Variants in HS6ST3 observed in about 807,000 individuals in gnomAD.
HS6ST3 encodes the protein heparan sulfate 6-O-sulfotransferase 3.
A neutral mutation model predicts 36.7 loss-of-function variants in HS6ST3; 12 were observed. The ratio of observed to expected loss-of-function variants is 0.33; its 90% CI spans 0.21 to 0.53. HS6ST3 has a LOEUF of 0.53. Ranked by LOEUF, HS6ST3 falls within the 20% of genes least tolerant of loss-of-function variation. HS6ST3 has a pLI of 0.95. For missense variants in HS6ST3, 584 were observed against 640.9 expected (o/e 0.91, Z 0.96); for synonymous variants, 240 against 257.5 (o/e 0.93, Z 0.65).
intron 1 of HS6ST3, among the ~76,000 whole-genome samples, chr13:96,809,512 G>C (rs1410482990): frequency 2.0e-5 from 3 of 152,212 alleles, no homozygotes; most frequent in Non-Finnish European, 4.4e-5. Flanking sequence ...CAGGTCCACT[G>C]AAGAGGGATT....
intron 1 of HS6ST3, among the ~76,000 whole-genome samples, chr13:96,536,788 G>A (rs1233610162): frequency 6.6e-6 from 1 of 152,168 alleles, no homozygotes; most frequent in East Asian, 1.9e-4. Context: ...TACTTTCTCT[G>A]GAGATGTTTA....
chr13:96,207,410 A>C (rs959955175), intron 1 of HS6ST3, among the ~76,000 whole-genome samples: 3 of 152,078 alleles, frequency 2.0e-5, no homozygotes, highest in African/African-American at 7.2e-5. Flanking sequence ...CCATTGTGGA[A>C]GACAGCGTGC....
At chr13:96,758,613 A>T (rs1331670530) in intron 1 of HS6ST3, among the ~76,000 whole-genome samples, 1 of 151,714 alleles carries the variant, frequency 6.6e-6, no homozygotes, top group Admixed American at 6.6e-5. Context: ...CTTTCTTTGT[A>T]TTTTTCTTGA....
At chr13:96,222,364 G>A (rs1455018246) in intron 1 of HS6ST3, among the ~76,000 whole-genome samples, 3 of 152,176 alleles carry the variant, frequency 2.0e-5, no homozygotes, top group African/African-American at 7.2e-5. Flanking sequence ...ATTTCTTGTG[G>A]TACAGCATCA....
chr13:96,614,011 T>C (rs566985887), intron 1 of HS6ST3, among the ~76,000 whole-genome samples: 1 of 152,130 alleles, frequency 6.6e-6, no homozygotes, highest in Admixed American at 6.5e-5. Flanking sequence ...ACAAAAGTTA[T>C]TACTGGGCCG....
chr13:96,122,110 G>GTATTAGTAT (rs1555386751), intron 1 of HS6ST3, among the ~76,000 whole-genome samples: 3 of 145,180 alleles, frequency 2.1e-5, no homozygotes, highest in African/African-American at 5.0e-5. Flanking sequence ...ACCCTTTCAG[G>GTATTAGTAT]TATTATTATT....
At chr13:96,469,302 C>A (rs2055829330) in intron 1 of HS6ST3, among the ~76,000 whole-genome samples, 1 of 146,540 alleles carries the variant, frequency 6.8e-6, no homozygotes, top group Non-Finnish European at 1.5e-5. Flanking sequence ...CCTCCCCCAA[C>A]TTTTTTTTTT....
intron 1 of HS6ST3, among the ~76,000 whole-genome samples, chr13:96,730,904 T>A (rs1366571432): frequency 6.6e-6 from 1 of 152,120 alleles, no homozygotes. Context: ...GAGAATTTTT[T>A]AAATTTTTGT....
chr13:96,416,478 T>C (rs911984320), intron 1 of HS6ST3, among the ~76,000 whole-genome samples: 68 of 152,300 alleles, frequency 4.5e-4, no homozygotes, highest in African/African-American at 1.6e-3. Context: ...ATGGATACTT[T>C]TTCATTTAAT....
chr13:96,442,922 T>G (rs1305091463), intron 1 of HS6ST3, among the ~76,000 whole-genome samples: 1 of 151,956 alleles, frequency 6.6e-6, no homozygotes, highest in Non-Finnish European at 1.5e-5. Flanking sequence ...CTAAATTACA[T>G]TAGGAGACTG....
intron 1 of HS6ST3, among the ~76,000 whole-genome samples, chr13:96,232,180 A>G (rs1042028042): frequency 6.6e-6 from 1 of 152,210 alleles, no homozygotes; most frequent in Non-Finnish European, 1.5e-5. Flanking sequence ...AATTCAGAGT[A>G]TAAGATGCTA....
At chr13:96,449,330 T>C (rs144272273) in intron 1 of HS6ST3, among the ~76,000 whole-genome samples, 25 of 152,272 alleles carry the variant, frequency 1.6e-4, no homozygotes, top group Admixed American at 5.9e-4. Flanking sequence ...CTCTCTCCCC[T>C]TCCACTCCAG....
At chr13:96,139,870 C>T (rs1484452167) in intron 1 of HS6ST3, among the ~76,000 whole-genome samples, 2 of 152,048 alleles carry the variant, frequency 1.3e-5, no homozygotes, top group East Asian at 3.9e-4. Context: ...TATTTGGGTG[C>T]AGTACTTGGG....
chr13:96,432,416 T>C (rs966431395), intron 1 of HS6ST3, among the ~76,000 whole-genome samples: 17 of 152,306 alleles, frequency 1.1e-4, no homozygotes, highest in East Asian at 9.6e-4. Flanking sequence ...GTTCTTTTCT[T>C]TTAAAAGATA....
chr13:96,461,805 C>T (rs2055785726), intron 1 of HS6ST3, among the ~76,000 whole-genome samples: 1 of 152,050 alleles, frequency 6.6e-6, no homozygotes, highest in African/African-American at 2.4e-5. Context: ...GACAGCAATT[C>T]CAAATTCATT....
At chr13:96,669,922 G>A (rs1594832196) in intron 1 of HS6ST3, among the ~76,000 whole-genome samples, 1 of 152,112 alleles carries the variant, frequency 6.6e-6, no homozygotes, top group Admixed American at 6.5e-5. Context: ...AAATACACTG[G>A]TGTGGAGTTC....
chr13:96,470,648 C>T (rs1248484608), intron 1 of HS6ST3, among the ~76,000 whole-genome samples: 3 of 152,120 alleles, frequency 2.0e-5, no homozygotes, highest in Admixed American at 6.6e-5. Flanking sequence ...GAGTTGTCTA[C>T]GTTTATTTCT....
chr13:96,334,478 C>T (rs373574912), intron 1 of HS6ST3, among the ~76,000 whole-genome samples: 7 of 152,122 alleles, frequency 4.6e-5, no homozygotes, highest in Non-Finnish European at 1.0e-4. Context: ...TTACTGCATT[C>T]GTCAGTTCTC....
chr13:96,683,243 TGC>T (rs1317849542), intron 1 of HS6ST3, among the ~76,000 whole-genome samples: 1 of 152,130 alleles, frequency 6.6e-6, no homozygotes, highest in Non-Finnish European at 1.5e-5. Flanking sequence ...GTCTTATCTG[TGC>T]CTCAGTTAGA....
Sources: gnomAD v4.1 joint callset for allele counts (sites outside exome capture counted in the v4.1 genomes callset) on GRCh38, gnomAD v4.1.1 for gene constraint, MANE v1.5 for transcripts, NCBI Gene and HGNC (gene_info 2026-07-23, HGNC 2026-07-21) for gene names.